WWOX: variants seen among roughly 807,000 people sequenced by gnomAD.
WWOX encodes the protein WW domain containing oxidoreductase.
WWOX carries 69 observed loss-of-function variants against 46.2 expected under a neutral mutation model. The ratio of observed to expected loss-of-function variants is 1.49; its 90% CI spans 1.23 to 1.82. WWOX has a LOEUF of 1.82. Among genes scored for constraint, WWOX ranks in the 40% most tolerant of loss-of-function variants. The pLI is 0.00. For synonymous variants in WWOX, 359 were observed against 202.6 expected (o/e 1.77, Z -6.56); for missense variants, 919 against 542.6 (o/e 1.69, Z -6.89).
intron 8 of WWOX, among the ~76,000 whole-genome samples, chr16:79,080,668 T>A (rs1023472133): frequency 2.0e-5 from 3 of 152,124 alleles, no homozygotes; most frequent in African/African-American, 7.2e-5. Context: ...CGGGGTCTTG[T>A]TGAAAAACCA....
At chr16:78,743,105 C>G (rs1272421483) in intron 8 of WWOX, among the ~76,000 whole-genome samples, 2 of 152,092 alleles carry the variant, frequency 1.3e-5, no homozygotes, top group Admixed American at 6.5e-5. Flanking sequence ...ATCCGTCTCT[C>G]TCCTTGGAGG....
chr16:78,190,268 A>G (rs1190822885), intron 5 of WWOX, among the ~76,000 whole-genome samples: 2 of 152,186 alleles, frequency 1.3e-5, no homozygotes. Flanking sequence ...ATGGGCTGCT[A>G]GCGCTTAGTT....
chr16:78,354,310 A>C (rs28595882), intron 5 of WWOX, among the ~76,000 whole-genome samples: 11,618 of 58,580 alleles, frequency 0.2, 602 homozygotes, highest in Middle Eastern at 0.25. Flanking sequence ...TGATGTGCTT[A>C]ACTTTTTTTT....
chr16:78,797,358 TAAAA>T (rs57291441), intron 8 of WWOX, among the ~76,000 whole-genome samples: 1,787 of 116,618 alleles, frequency 0.015, 23 homozygotes, highest in South Asian at 0.047. Flanking sequence ...GTCAAAGTGG[TAAAA>T]AAAAAAAAAA....
In WWOX at chr16:78,772,039, C is replaced by CT. The variant is rs890548633; in HGVS notation, c.1056+339294dup. On this transcript the variant is annotated intron_variant, in intron 8 of 8. Transcript: ENST00000566780. ...GGAAATGTTAATTGGACCTGTAATTCTTTTTTTAACTTTTATTTTGGGTTC... is the reference window on the plus strand; with the variant it reads ...GGAAATGTTAATTGGACCTGTAATTCTTTTTTTTAACTTTTATTTTGGGTTC... 4.6e-5 allele frequency among the ~76,000 whole-genome samples: 7 copies of CT among 152,110 alleles called. 1 individual carries two copies. The highest frequency in any genetic ancestry group is 1.7e-4 in the African/African-American group (7 of 41,504).
At chr16:79,115,703 C>A (rs183856748) in intron 8 of WWOX, among the ~76,000 whole-genome samples, 1 of 152,134 alleles carries the variant, frequency 6.6e-6, no homozygotes, top group Non-Finnish European at 1.5e-5. Flanking sequence ...ACTGGTTGCA[C>A]TTTTAAATAA....
chr16:78,744,194 T>A (rs989206658), intron 8 of WWOX, among the ~76,000 whole-genome samples: 7 of 151,930 alleles, frequency 4.6e-5, no homozygotes, highest in Non-Finnish European at 7.4e-5. Context: ...TGAACTAAGT[T>A]TTGAGAGCTG....
intron 5 of WWOX, among the ~76,000 whole-genome samples, chr16:78,323,179 C>G (rs531144961): frequency 6.6e-6 from 1 of 152,248 alleles, no homozygotes; most frequent in South Asian, 2.1e-4. Context: ...ACGATCTCAG[C>G]TCACTACATC....
At chr16:78,409,725 C>G (rs902463755) in intron 6 of WWOX, among the ~76,000 whole-genome samples, 6 of 152,172 alleles carry the variant, frequency 3.9e-5, no homozygotes, top group African/African-American at 1.4e-4. Flanking sequence ...CGGTATGGCT[C>G]TGCTGCTTTC....
intron 8 of WWOX, among the ~76,000 whole-genome samples, chr16:78,916,146 A>T (rs1196208313): frequency 6.6e-6 from 1 of 152,162 alleles, no homozygotes; most frequent in Non-Finnish European, 1.5e-5. Context: ...ATCTTGATAA[A>T]ACAATGCTCT....
At chr16:79,209,647 G>A (rs1259221828) in intron 8 of WWOX, among the ~76,000 whole-genome samples, 2 of 152,172 alleles carry the variant, frequency 1.3e-5, no homozygotes, top group Non-Finnish European at 1.5e-5. Context: ...ATATCTGGAA[G>A]TTGATACAAA....
intron 8 of WWOX, among the ~76,000 whole-genome samples, chr16:78,771,112 A>G (rs1052319069): frequency 2.0e-5 from 3 of 152,180 alleles, no homozygotes; most frequent in Non-Finnish European, 4.4e-5. Context: ...GCAGGTGTGG[A>G]TGAAGGGAAG....
intron 8 of WWOX, among the ~76,000 whole-genome samples, chr16:78,549,488 T>G (rs528948705): frequency 6.6e-6 from 1 of 152,284 alleles, no homozygotes; most frequent in African/African-American, 2.4e-5. Flanking sequence ...TCAGAGAAAG[T>G]TGGATCGACC....
chr16:78,836,652 T>A (rs2051993519), intron 8 of WWOX, among the ~76,000 whole-genome samples: 2 of 152,186 alleles, frequency 1.3e-5, no homozygotes, highest in African/African-American at 4.8e-5. Context: ...GTGGCTGGCA[T>A]TAGGCCATTT....
chr16:78,394,942 C>T (rs539221632), intron 6 of WWOX, among the ~76,000 whole-genome samples: 5 of 152,248 alleles, frequency 3.3e-5, no homozygotes, highest in African/African-American at 7.2e-5. Context: ...AATCTCTCAG[C>T]GTCACTTTCC....
intron 8 of WWOX, among the ~76,000 whole-genome samples, chr16:78,877,425 TC>T (rs2044256497): frequency 6.6e-6 from 1 of 152,106 alleles, no homozygotes; most frequent in Non-Finnish European, 1.5e-5. Context: ...GGAGTATTCT[TC>T]CACGTAGCAC....
At chr16:79,028,032 A>G (rs1303186240) in intron 8 of WWOX, among the ~76,000 whole-genome samples, 1 of 151,722 alleles carries the variant, frequency 6.6e-6, no homozygotes, top group African/African-American at 2.4e-5. Flanking sequence ...GCTCACTGCC[A>G]GCTCTGCCTC....
chr16:78,374,526 AATTTTTTTTTTTTTT>A (rs1264414177), intron 5 of WWOX, among the ~76,000 whole-genome samples: 29 of 85,210 alleles, frequency 3.4e-4, no homozygotes, highest in African/African-American at 1.4e-3. Flanking sequence ...TTCTGTCTTG[AATTTTTTTTTTTTTT>A]TTTTTTTTTT....
intron 8 of WWOX, among the ~76,000 whole-genome samples, chr16:78,557,689 A>ATTTTGTTTTTTTTTTT (rs2044336543): frequency 2.1e-5 from 2 of 96,648 alleles, no homozygotes; most frequent in African/African-American, 5.2e-5. Flanking sequence ...CTAGGGAAGG[A>ATTTTGTTTTTTTTTTT]TTTTTTTTTT....
Sources: gnomAD v4.1 joint callset for allele counts (sites outside exome capture counted in the v4.1 genomes callset) on GRCh38, gnomAD v4.1.1 for gene constraint, MANE v1.5 for transcripts, NCBI Gene and HGNC (gene_info 2026-07-23, HGNC 2026-07-21) for gene names.